Variants in C20orf96 observed in about 807,000 individuals in gnomAD.
C20orf96 encodes chromosome 20 open reading frame 96, also known as uncharacterized protein C20orf96.
C20orf96 carries 57 observed loss-of-function variants against 52.6 expected under a neutral mutation model. The ratio of observed to expected loss-of-function variants is 1.08; its 90% CI spans 0.88 to 1.35. C20orf96 has a LOEUF of 1.35. Ranked by LOEUF, C20orf96 falls within the 40% of genes most tolerant of loss-of-function variation. C20orf96 has a pLI of 0.00. For synonymous variants in C20orf96, 168 were observed against 157.2 expected (o/e 1.07, Z -0.51); for missense variants, 478 against 443.6 (o/e 1.08, Z -0.70).
chr20:276,479 G>A (rs1238935788), intron 9 of C20orf96: 1 of 985,428 alleles, frequency 1.0e-6, no homozygotes, highest in East Asian at 1.1e-4. Context: ...GATAATGGGT[G>A]GTGGGCAGTA....
Position 271,441 on chromosome 20 carries a change from C to CAA in C20orf96, c.1032-175_1032-174insTT, listed in dbSNP as rs1385252301. ...CAAAGCCCAACTGTGCATACACAAG[C>CAA]ATACACACACACACACACACACACA... is the stretch of plus-strand genomic sequence containing the variant. On this transcript the variant is annotated intron_variant, in intron 10 of 10. Transcript: ENST00000360321. Among the ~76,000 whole-genome samples the CAA allele has an allele frequency of 7.2e-4, 80 of 110,386 alleles. 1 individual carries two copies. The highest frequency in any genetic ancestry group is 6.4e-4 in the Non-Finnish European group (36 of 56,448). 72.4% of individuals were successfully genotyped at this position (110,386 alleles called of 152,430 possible).
Position 277,271 on chromosome 20 carries a change from G to A in C20orf96, c.678C>T (p.Ile226=). ...GCTGCAGCTGGCGCATAAGAGTGGA[G>A]ATCTGGACAGACTTGATGGAATACT... is the stretch of plus-strand genomic sequence containing the variant. ...DHEYSIKSVQ[I]STLMRQLQQV... is the part of the protein sequence containing the mutation. Residue 226 remains isoleucine, a synonymous_variant, in exon 7 of 11, where the codon ATC becomes ATT. Coordinates refer to ENST00000360321, the MANE Select transcript of C20orf96 (RefSeq NM_153269.3). 1 of 1,614,192 alleles carries A rather than the reference G, an allele frequency of 6.2e-7. No individual in the cohort carries two copies. The highest frequency in any genetic ancestry group is 8.5e-7 in the Non-Finnish European group (1 of 1,180,042).
chr20:274,409 C>T (rs1466417797), intron 10 of C20orf96, among the ~76,000 whole-genome samples: 3 of 152,222 alleles, frequency 2.0e-5, no homozygotes. Flanking sequence ...AAGGACTCCA[C>T]TCTTCTCTGC....
chr20:286,708 C>T (rs185678848), intron 3 of C20orf96, among the ~76,000 whole-genome samples: 2 of 152,286 alleles, frequency 1.3e-5, no homozygotes, highest in East Asian at 1.9e-4. Flanking sequence ...AATATCACAA[C>T]CAGGATATTG....
intron 3 of C20orf96, among the ~76,000 whole-genome samples, chr20:284,503 A>G (rs2012332384): frequency 6.6e-6 from 1 of 152,244 alleles, no homozygotes; most frequent in Non-Finnish European, 1.5e-5. Flanking sequence ...GGCTGGCAGA[A>G]GGCCTGATGG....
intron 10 of C20orf96, 120 bp downstream of exon 10, chr20:275,848 C>A: frequency 1.1e-6 from 1 of 908,542 alleles, no homozygotes; most frequent in Non-Finnish European, 1.8e-6. Flanking sequence ...CCCAGGACCG[C>A]CCCTCCCTCC....
intron 3 of C20orf96, among the ~76,000 whole-genome samples, chr20:288,820 G>A (rs537117897): frequency 6.4e-4 from 97 of 152,272 alleles, no homozygotes; most frequent in Non-Finnish European, 1.2e-3. Context: ...TTCATTTCAG[G>A]ATACCAAAGA....
rs766793783 is a variant in C20orf96, at chr20:277,257, C to A, written c.692G>T (p.Arg231Leu). The A allele has an allele frequency of 1.4e-5, 23 of 1,614,136 alleles. No individual in the cohort carries two copies. The highest frequency in any genetic ancestry group is 1.8e-5 in the Non-Finnish European group (21 of 1,180,032). ...IKSVQISTLM[R>L]QLQQVKDSQQ... ...GCTGTCCTTAACCTGCTGCAGCTGG[C>A]GCATAAGAGTGGAGATCTGGACAGA... Residue 231 changes from arginine to leucine, a missense_variant, in exon 7 of 11, where the codon CGC becomes CTC. Transcript: ENST00000360321.
Position 290,642 on chromosome 20 carries a change from T to G in C20orf96, c.-32A>C, listed in dbSNP as rs745908698. On this transcript the variant is annotated 5_prime_UTR_variant, in exon 1 of 11. Transcript: ENST00000360321. Reference sequence around the variant, plus strand: ...AAATGGAAGAGAAGTTGCGAGTCTGTGAGACCCTGATCTTCTGGTATAACT... The same window carrying G: ...AAATGGAAGAGAAGTTGCGAGTCTGGGAGACCCTGATCTTCTGGTATAACT... The G allele has an allele frequency of 6.2e-7, 1 of 1,611,704 alleles. No homozygotes were observed. Among genetic ancestry groups the G allele is most frequent in the Non-Finnish European group, 8.5e-7 (1 of 1,179,406 alleles).
At chr20:280,788 T>C (rs746109259) in intron 4 of C20orf96, among the ~76,000 whole-genome samples, 7 of 152,234 alleles carry the variant, frequency 4.6e-5, no homozygotes, top group Non-Finnish European at 5.9e-5. Context: ...AGTTAGTTAA[T>C]GTCTCAGAGC....
chr20:274,184 C>T (rs1219281954), intron 10 of C20orf96, among the ~76,000 whole-genome samples: 1 of 151,960 alleles, frequency 6.6e-6, no homozygotes, highest in Non-Finnish European at 1.5e-5. Context: ...AACAGTGTGC[C>T]ATTTCTACTT....
chr20:283,912 C>T (rs1823906456), intron 4 of C20orf96, 51 bp downstream of exon 4: 2 of 1,299,990 alleles, frequency 1.5e-6, no homozygotes, highest in Admixed American at 1.7e-5. Flanking sequence ...CTACAGCCAT[C>T]ATCCCCGTCC....
At chr20:283,789 C>A (rs115372049) in intron 4 of C20orf96, among the ~76,000 whole-genome samples, 174 bp downstream of exon 4, 1 of 152,122 alleles carries the variant, frequency 6.6e-6, no homozygotes, top group South Asian at 2.1e-4. Flanking sequence ...TATCTCCCTG[C>A]GCCTCAGTTT....
At chr20:274,008 AAAAG>A (rs2011933840) in intron 10 of C20orf96, among the ~76,000 whole-genome samples, 1 of 116,230 alleles carries the variant, frequency 8.6e-6, no homozygotes, top group Admixed American at 8.2e-5. Context: ...GAAAGAAAGA[AAAAG>A]AAAAGAGAGA....
rs377600889 is a variant in C20orf96 at position 279,235 on chromosome 20, C to T, written c.402G>A (p.Gln134=). Residue 134 remains glutamine, a synonymous_variant, in exon 5 of 11, where the codon CAG becomes CAA. Transcript: ENST00000360321. ...GCAGGGTCGTGCTGTTCTCCATCTC[C>T]TGGATGGTCTCGATCAGCTCCCGGT... ...KLNRELIETI[Q]EMENSTTLHV... is the part of the protein sequence containing the mutation. 11 of 1,610,930 alleles carry T rather than the reference C, an allele frequency of 6.8e-6. No homozygotes were observed. The African/African-American group carries it at 1.5e-4, about 22-fold the overall frequency.
intron 10 of C20orf96, among the ~76,000 whole-genome samples, chr20:272,575 C>T (rs537200113): frequency 2.1e-4 from 32 of 152,162 alleles, no homozygotes; most frequent in African/African-American, 6.7e-4. Context: ...CCCCTGGTCT[C>T]GAACTCCCAG....
chr20:278,164 G>C (rs948787827), intron 6 of C20orf96, among the ~76,000 whole-genome samples, 166 bp downstream of exon 6: 1 of 152,214 alleles, frequency 6.6e-6, no homozygotes, highest in Admixed American at 6.5e-5. Context: ...AGAGCTAAGT[G>C]TTGGGTAACT....
chr20:284,180 C>G, intron 3 of C20orf96, 99 bp from the exon 4 acceptor site: 1 of 795,622 alleles, frequency 1.3e-6, no homozygotes, highest in Non-Finnish European at 2.2e-6. Context: ...AGGGCCAGAC[C>G]CCAGCTCCAC....
intron 3 of C20orf96, among the ~76,000 whole-genome samples, chr20:287,226 G>T (rs1374360939): frequency 6.6e-6 from 1 of 152,214 alleles, no homozygotes; most frequent in African/African-American, 2.4e-5. Context: ...CATGTTTCAT[G>T]TTGTTAGAAA....
Sources: allele counts gnomAD v4.1 joint callset (sites outside exome capture counted in the v4.1 genomes callset), GRCh38; gene constraint gnomAD v4.1.1; transcripts MANE v1.5; gene names NCBI Gene and HGNC (gene_info 2026-07-23, HGNC 2026-07-21).